Variants in MYO18B observed in about 807,000 individuals in gnomAD.
The protein encoded by MYO18B is unconventional myosin-XVIIIb.
A neutral mutation model predicts 273.0 loss-of-function variants in MYO18B; 204 were observed. That is an observed-to-expected ratio of 0.75 (90% CI 0.67 to 0.84). The LOEUF (loss-of-function observed/expected upper bound fraction) is 0.84. Among genes scored for constraint, MYO18B ranks in the 40% least tolerant of loss-of-function variants. The pLI, the probability that MYO18B is intolerant of heterozygous loss-of-function variation, is 0.00. For missense variants in MYO18B, 3,212 were observed against 3,287.6 expected, an observed-to-expected ratio of 0.98 and a Z score of 0.56; for synonymous variants, 1,330 against 1,305.7, an observed-to-expected ratio of 1.02 and a Z score of -0.40.
chr22:25,826,974 A>G (rs1053397652), intron 14 of MYO18B, among the ~76,000 whole-genome samples: 5 of 152,270 alleles, frequency 3.3e-5, no homozygotes, highest in East Asian at 1.9e-4. Context: ...GGCAGGGAGA[A>G]TTGCTTGAAC....
At chr22:25,982,793 A>G (rs974958639) in intron 39 of MYO18B, among the ~76,000 whole-genome samples, 2 of 152,198 alleles carry the variant, frequency 1.3e-5, no homozygotes, top group African/African-American at 4.8e-5. Context: ...AGATACTCAT[A>G]TCTGCAAGAT....
At position 25,960,452 on chromosome 22, in the gene MYO18B, G is replaced by T. The variant is rs1601693316; in HGVS notation, c.6156+5088G>T. ...CCTATTTCAGAGGCTGCACCTGTTG[G>T]GTTTTATCCCTCATCACCTTGGCCT... On this transcript the variant is annotated intron_variant, in intron 39 of 43. Coordinates refer to ENST00000335473, the MANE Select transcript of MYO18B (RefSeq NM_032608.7). Among the ~76,000 whole-genome samples, 9 of 152,192 alleles carry T rather than the reference G, an allele frequency of 5.9e-5. No individual in the cohort carries two copies. The South Asian group carries it at 1.9e-3, about 32-fold the overall frequency.
At chr22:25,767,640 C>T (rs538524597) in intron 3 of MYO18B, among the ~76,000 whole-genome samples, 5 of 152,248 alleles carry the variant, frequency 3.3e-5, no homozygotes, top group East Asian at 1.9e-4. Context: ...TTCCTGGATC[C>T]CCTACTCGCC....
intron 25 of MYO18B, among the ~76,000 whole-genome samples, chr22:25,889,803 A>G (rs1247487416): frequency 6.6e-6 from 1 of 152,150 alleles, no homozygotes; most frequent in Non-Finnish European, 1.5e-5. Context: ...AAACCAGTGC[A>G]GGTGGGAATT....
intron 35 of MYO18B, among the ~76,000 whole-genome samples, chr22:25,947,230 T>A (rs2061580644): frequency 6.6e-6 from 1 of 152,082 alleles, no homozygotes; most frequent in African/African-American, 2.4e-5. Flanking sequence ...ATAGGTAACC[T>A]GTGCCTCCAA....
intron 18 of MYO18B, among the ~76,000 whole-genome samples, chr22:25,844,623 C>T (rs957396666): frequency 1.2e-4 from 18 of 152,194 alleles, no homozygotes; most frequent in Admixed American, 1.0e-3. Flanking sequence ...ATTGAGGCCC[C>T]GAGCAGTGAA....
At chr22:25,886,444 G>C (rs190616218) in intron 25 of MYO18B, among the ~76,000 whole-genome samples, 2 of 152,210 alleles carry the variant, frequency 1.3e-5, no homozygotes, top group Non-Finnish European at 2.9e-5. Flanking sequence ...AAGCCAGCTG[G>C]TACTGCAGTT....
chr22:25,787,450 T>C (rs12484281), intron 11 of MYO18B, among the ~76,000 whole-genome samples: 32,842 of 151,906 alleles, frequency 0.22, 3,833 homozygotes, highest in Admixed American at 0.29. Flanking sequence ...TGAGAACCAC[T>C]GTTGTAGAGT....
At chr22:25,996,987 G>A (rs954819181) in intron 40 of MYO18B, among the ~76,000 whole-genome samples, 3 of 152,034 alleles carry the variant, frequency 2.0e-5, no homozygotes, top group Non-Finnish European at 2.9e-5. Flanking sequence ...AGTGCCCCAG[G>A]CAGGATTGGC....
the MYO18B span, among the ~76,000 whole-genome samples, chr22:26,056,508 T>C: frequency 2.6e-5 from 4 of 152,206 alleles, no homozygotes; most frequent in Non-Finnish European, 5.9e-5. Context: ...AAGTTCTTCA[T>C]TGAAATTAAC....
At chr22:25,754,608 A>G (rs1204951410) in intron 1 of MYO18B, among the ~76,000 whole-genome samples, 1 of 152,160 alleles carries the variant, frequency 6.6e-6, no homozygotes, top group African/African-American at 2.4e-5. Context: ...TTATACCGTG[A>G]ATTCCAAATG....
Position 25,763,341 on chromosome 22 carries a change from G to A in MYO18B, c.150G>A (p.Lys50=). 1.9e-6 allele frequency: 3 copies of A among 1,612,780 alleles called. No individual in the cohort carries two copies. The highest frequency in any genetic ancestry group is 2.5e-6 in the Non-Finnish European group (3 of 1,179,646). ...TCCGGGGGACTGAAAAAGAGGCCAA[G>A]GAAGCGAGACAGAGGAAGCAGTTAG... ...QLVRGTEKEA[K]EARQRKQLAV... Residue 50 remains lysine (K), a synonymous_variant, in exon 3 of 44, where the codon AAG becomes AAA. Coordinates refer to ENST00000335473, the MANE Select transcript of MYO18B (RefSeq NM_032608.7).
At chr22:25,754,909 G>T (rs542796066) in intron 1 of MYO18B, among the ~76,000 whole-genome samples, 1 of 152,330 alleles carries the variant, frequency 6.6e-6, no homozygotes, top group East Asian at 1.9e-4. Context: ...CGACAGCCAG[G>T]ATTCCCCCTG....
chr22:25,940,131 G>C (rs893941214), intron 34 of MYO18B, among the ~76,000 whole-genome samples: 4 of 152,104 alleles, frequency 2.6e-5, no homozygotes, highest in African/African-American at 9.7e-5. Flanking sequence ...TTTGGATGAT[G>C]ATATGGTTTG....
At chr22:25,851,356 AG>A (rs2090421456) in intron 20 of MYO18B, 113 bp from the exon 21 acceptor site, 1 of 687,214 alleles carries the variant, frequency 1.5e-6, no homozygotes, top group African/African-American at 1.8e-5. Flanking sequence ...GCAGCAAGTT[AG>A]TAGCCAGGCT....
At position 26,027,486 on chromosome 22, in the gene MYO18B, C is replaced by T; in HGVS notation, c.7512C>T (p.His2504=). 6.2e-7 allele frequency: 1 copy of T among 1,613,976 alleles called. No homozygotes were observed. Among genetic ancestry groups the T allele is most frequent in the Non-Finnish European group, 8.5e-7 (1 of 1,179,886 alleles). Residue 2504 remains histidine (H), a synonymous_variant, in exon 43 of 44, where the codon CAC becomes CAT. Coordinates refer to ENST00000335473, the MANE Select transcript of MYO18B (RefSeq NM_032608.7). The surrounding 1 kb of genome is among the most constrained non-coding windows in gnomAD (Gnocchi z 4.1). ...CGGAGCCCAAGGAGGATCCCGCTCA[C>T]CTGTCTGACTCGTCCTCATCCTCCG... ...KSPEPKEDPA[H]LSDSSSSSGS...
chr22:25,996,113 A>G (rs992140308), intron 40 of MYO18B, among the ~76,000 whole-genome samples: 10 of 152,364 alleles, frequency 6.6e-5, no homozygotes, highest in African/African-American at 2.2e-4. Context: ...CTGATTGCCA[A>G]TTAGAGATCT....
intron 33 of MYO18B, among the ~76,000 whole-genome samples, chr22:25,917,545 G>GGTGTGTGT (rs3070569): frequency 0.065 from 9,290 of 142,096 alleles, 358 homozygotes; most frequent in African/African-American, 0.11. Flanking sequence ...GCTTTGTAGG[G>GGTGTGTGT]GTGTGTGTGT....
In MYO18B at chr22:25,842,181, A is replaced by G. The variant is rs139024722; in HGVS notation, c.3209-1554A>G. Among the ~76,000 whole-genome samples the G allele has an allele frequency of 1.6e-4, 24 of 152,300 alleles. No homozygotes were observed. In the East Asian group the frequency reaches 4.0e-3, roughly 26 times the overall value. ...AAGCCGCAGACTCTCACACTGCTGT[A>G]TTTTGCAGAGAGTTCCAAGAAATGC... On this transcript the variant is annotated intron_variant, in intron 17 of 43. Transcript: ENST00000335473.
Sources: allele counts gnomAD v4.1 joint callset (sites outside exome capture counted in the v4.1 genomes callset), GRCh38; gene constraint gnomAD v4.1.1; non-coding constraint Gnocchi (gnomAD v3.1); transcripts MANE v1.5; gene names NCBI Gene and HGNC (gene_info 2026-07-23, HGNC 2026-07-21).